Variants in OXR1 observed in about 807,000 individuals in gnomAD.
OXR1 encodes the protein oxidation resistance protein 1.
Under a neutral mutation model 104.6 loss-of-function variants are expected in OXR1, and 41 were observed. The ratio of observed to expected loss-of-function variants is 0.39; its 90% CI spans 0.31 to 0.51. OXR1 has a LOEUF of 0.51. OXR1 is among the 20% of genes least tolerant of loss of function. The probability of loss-of-function intolerance (pLI) is 0.77; values close to 1 mark genes in which losing one functional copy is unlikely to be tolerated. For synonymous variants in OXR1, 348 were observed against 348.4 expected (o/e 1.00, Z 0.01); for missense variants, 955 against 1,031.9 (o/e 0.93, Z 1.02).
chr8:106,286,473 T>C (rs562353018), intron 1 of OXR1, among the ~76,000 whole-genome samples: 34 of 148,302 alleles, frequency 2.3e-4, no homozygotes, highest in African/African-American at 7.1e-4. Flanking sequence ...TCTGAAGATA[T>C]CATCTGGTAT....
chr8:106,622,453 G>C, intron 3 of OXR1, among the ~76,000 whole-genome samples: 1 of 136,274 alleles, frequency 7.3e-6, no homozygotes, highest in Admixed American at 7.6e-5. Flanking sequence ...ATCACCCCCA[G>C]CACACACACA....
intron 12 of OXR1, among the ~76,000 whole-genome samples, chr8:106,737,874 C>A (rs1432622055): frequency 6.6e-6 from 1 of 152,098 alleles, no homozygotes; most frequent in Admixed American, 6.6e-5. Flanking sequence ...AGTTTTCATT[C>A]ATTTAACGTT....
chr8:106,513,408 T>C (rs1350639976), intron 2 of OXR1, among the ~76,000 whole-genome samples: 2 of 138,608 alleles, frequency 1.4e-5, no homozygotes, highest in Non-Finnish European at 3.1e-5. Context: ...TGCGTGGATT[T>C]ATACACACAC....
intron 1 of OXR1, among the ~76,000 whole-genome samples, chr8:106,297,915 CA>C (rs1813067328): frequency 6.6e-6 from 1 of 152,164 alleles, no homozygotes; most frequent in South Asian, 2.1e-4. Context: ...AAATGTTTAA[CA>C]TGGAGAAGAG....
rs775638138 is a variant in OXR1, at chr8:106,707,061, A to C, written c.1540A>C (p.Thr514Pro). 4 of 1,613,952 alleles carry C rather than the reference A, an allele frequency of 2.5e-6. No individual in the cohort carries two copies. The highest frequency in any genetic ancestry group is 3.4e-6 in the Non-Finnish European group (4 of 1,179,912). The change falls in exon 9 of 17, where the codon ACT (threonine) becomes CCT (proline). Residue 514 changes from threonine (T) to proline (P), a missense_variant. Thr to Pro is a conservative substitution (Grantham distance 38, BLOSUM62 -1). This residue lies in a region of OXR1 where 849 missense variants were observed against 852.9 expected (regional missense o/e 1.00). Coordinates refer to ENST00000517566, the MANE Select transcript of OXR1 (RefSeq NM_001198533.2). ...KLWKTHTMQQ[T>P]KQQRENIQQV... ...TTGGAAAACCCATACTATGCAACAAACTAAACAGCAAAGGGAAAATATTCA... is the reference window on the plus strand; with the variant it reads ...TTGGAAAACCCATACTATGCAACAACCTAAACAGCAAAGGGAAAATATTCA...
intron 1 of OXR1, among the ~76,000 whole-genome samples, chr8:106,277,888 T>C (rs919682490): frequency 1.3e-5 from 2 of 152,202 alleles, no homozygotes; most frequent in African/African-American, 4.8e-5. Context: ...CCACCAGTCA[T>C]AGTGGCTGGA....
intron 2 of OXR1, among the ~76,000 whole-genome samples, chr8:106,430,486 T>C (rs1819320086): frequency 6.6e-6 from 1 of 152,204 alleles, no homozygotes; most frequent in South Asian, 2.1e-4. Flanking sequence ...AAGACTTCAT[T>C]ACCTAACACT....
chr8:106,303,454 G>T (rs1236437474), intron 1 of OXR1, among the ~76,000 whole-genome samples: 1 of 151,434 alleles, frequency 6.6e-6, no homozygotes, highest in African/African-American at 2.4e-5. Flanking sequence ...TAGCCAGGAT[G>T]ATCTTGGTCT....
chr8:106,600,286 T>C (rs1819873944), intron 3 of OXR1, among the ~76,000 whole-genome samples: 1 of 152,242 alleles, frequency 6.6e-6, no homozygotes, highest in African/African-American at 2.4e-5. Context: ...ATAAATGTTG[T>C]GCCTTCCATA....
intron 2 of OXR1, among the ~76,000 whole-genome samples, chr8:106,405,784 A>C (rs1250111550): frequency 6.6e-6 from 1 of 152,160 alleles, no homozygotes; most frequent in Non-Finnish European, 1.5e-5. Flanking sequence ...AGACAAACAA[A>C]CAAACAAAAA....
intron 7 of OXR1, among the ~76,000 whole-genome samples, chr8:106,695,260 G>T (rs142797010): frequency 3.5e-4 from 53 of 151,642 alleles, no homozygotes; most frequent in African/African-American, 1.3e-3. Flanking sequence ...TATAGTTGCA[G>T]ATTTCCATTT....
chr8:106,566,665 G>A (rs767476165), intron 3 of OXR1, among the ~76,000 whole-genome samples: 60 of 152,174 alleles, frequency 3.9e-4, no homozygotes, highest in Non-Finnish European at 5.1e-4. Flanking sequence ...AAAGACACAT[G>A]CACACGCATG....
chr8:106,658,104 C>T (rs1563675258), intron 3 of OXR1: 1 of 1,247,884 alleles, frequency 8.0e-7, no homozygotes, highest in East Asian at 3.2e-5. Context: ...CGAAGATTAC[C>T]TGAGGGAGCC....
Position 106,403,424 on chromosome 8 carries a change from A to C in OXR1, c.23+43788A>C, listed in dbSNP as rs539787555. 3.9e-5 allele frequency among the ~76,000 whole-genome samples: 6 copies of C among 152,334 alleles called. No homozygotes were observed. In the South Asian group the frequency reaches 1.2e-3, roughly 32 times the overall value. Reference sequence around the variant, plus strand: ...ATTCCCATTGAATTAAGTTTTCCCAAATCAATGGGTGTAGTTCCCACAGTA... The same window carrying C: ...ATTCCCATTGAATTAAGTTTTCCCACATCAATGGGTGTAGTTCCCACAGTA... On this transcript the variant is annotated intron_variant, in intron 2 of 16. Coordinates refer to ENST00000517566, the MANE Select transcript of OXR1 (RefSeq NM_001198533.2).
At chr8:106,695,044 A>G (rs1829866400) in intron 7 of OXR1, among the ~76,000 whole-genome samples, 1 of 136,224 alleles carries the variant, frequency 7.3e-6, no homozygotes, top group Non-Finnish European at 1.6e-5. Flanking sequence ...TACATATAGT[A>G]CACACACCTT....
intron 11 of OXR1, among the ~76,000 whole-genome samples, chr8:106,724,400 G>C (rs1463480543): frequency 1.3e-5 from 2 of 152,000 alleles, no homozygotes; most frequent in Non-Finnish European, 2.9e-5. Flanking sequence ...AAACAGAAAG[G>C]GCAAGAAGGA....
chr8:106,400,121 C>G (rs1444450071), intron 2 of OXR1, among the ~76,000 whole-genome samples: 1 of 152,010 alleles, frequency 6.6e-6, no homozygotes, highest in Non-Finnish European at 1.5e-5. Context: ...GATTATAAGC[C>G]TTCCAACTAT....
Position 106,713,918 on chromosome 8 carries a change from TA to T in OXR1, c.1895del (p.Lys632ArgfsTer22). ...EYTREPGFIV[V>X]KKIEESETIE... ...ACCAGAGAACCTGGATTTATAGTAG[TA>T]AAAAAGATTGAGGAGTCTGAAACAA... On this transcript the variant is annotated frameshift_variant, in exon 11 of 17. Transcript: ENST00000517566. LOFTEE classifies it high-confidence loss of function. 1.9e-6 allele frequency: 3 copies of T among 1,597,524 alleles called. No individual in the cohort carries two copies. The highest frequency in any genetic ancestry group is 1.8e-5 in the Admixed American group (1 of 55,242).
chr8:106,737,369 T>G (rs1834477127), intron 11 of OXR1, 151 bp from the exon 12 acceptor site: 1 of 408,852 alleles, frequency 2.4e-6, no homozygotes, highest in South Asian at 1.1e-4. Flanking sequence ...GATATATAAA[T>G]CTCTTGGATT....
Sources: gnomAD v4.1 joint callset for allele counts (sites outside exome capture counted in the v4.1 genomes callset) on GRCh38, gnomAD v4.1.1 for gene constraint, gnomAD v4.1.1 regional missense constraint, MANE v1.5 for transcripts, NCBI Gene and HGNC (gene_info 2026-07-23, HGNC 2026-07-21) for gene names.